BRWD1: variants seen among roughly 807,000 people sequenced by gnomAD.
BRWD1 encodes the protein bromodomain and WD repeat-containing protein 1.
In BRWD1, 82 loss-of-function variants were observed where a neutral mutation model predicts 251.2. The ratio of observed to expected loss-of-function variants is 0.33; its 90% CI spans 0.27 to 0.39. BRWD1 has a LOEUF of 0.39. BRWD1 is among the 10% of genes least tolerant of loss of function. BRWD1 has a pLI of 1.00. For synonymous variants in BRWD1, 918 were observed against 902.8 expected (o/e 1.02, Z -0.30); for missense variants, 2,233 against 2,711.6 (o/e 0.82, Z 3.92).
In BRWD1 at chr21:39,185,733, TAAAAA is replaced by T. The variant is rs1266380662; in HGVS notation, c.*10521_*10525del. On this transcript the variant is annotated 3_prime_UTR_variant, in exon 41 of 41. Transcript: ENST00000342449. ...CAAAAAAAAAAAAATGCATTTGACT[TAAAAA>T]AGAAATAGAAAACCCTAGGTTTCTG... 3 of 151,708 alleles carry T rather than the reference TAAAAA, an allele frequency of 2.0e-5. No individual in the cohort carries two copies. Among genetic ancestry groups the T allele is most frequent in the African/African-American group, 7.3e-5 (3 of 41,310 alleles). The allele number at this position is 151,708 out of a possible 1,614,324, so 9.4% of individuals were successfully genotyped here. A position where few individuals can be genotyped will look rare whatever the true frequency, so the allele number is the denominator to read the frequency against.
At chr21:39,302,031 G>A (rs2036135365) in intron 4 of BRWD1, among the ~76,000 whole-genome samples, 1 of 135,492 alleles carries the variant, frequency 7.4e-6, no homozygotes, top group Non-Finnish European at 1.5e-5. Context: ...GGTCCAGGCT[G>A]GAGTGTAGTG....
chr21:39,209,954 A>C, intron 36 of BRWD1, 41 bp downstream of exon 36: 1 of 1,589,672 alleles, frequency 6.3e-7, no homozygotes, highest in Non-Finnish European at 8.6e-7. Context: ...TTATCTACAC[A>C]GATCAGGCAG....
At chr21:39,297,070 G>C (rs184515150) in intron 5 of BRWD1, 21 of 985,304 alleles carry the variant, frequency 2.1e-5, no homozygotes, top group Middle Eastern at 1.0e-3. Flanking sequence ...CTGTGACTCT[G>C]AACACTAATT....
At chr21:39,277,510 G>C (rs1251470355) in intron 10 of BRWD1, among the ~76,000 whole-genome samples, 159 bp from the exon 11 acceptor site, 1 of 152,114 alleles carries the variant, frequency 6.6e-6, no homozygotes. Context: ...AGGTTATAAA[G>C]CTGAACTTGT....
At position 39,228,773 on chromosome 21, in the gene BRWD1, T is replaced by C. The variant is rs186953658; in HGVS notation, c.3126-191A>G. Among the ~76,000 whole-genome samples, 16 of 152,328 alleles carry C rather than the reference T, an allele frequency of 1.1e-4. No homozygotes were observed. The East Asian group carries it at 1.9e-3, about 18-fold the overall frequency. ...TATCCAAAATATTATTTCAATATGT[T>C]ATCAAAACAAAATAGAGATCTGACA... On this transcript the variant is annotated intron_variant, in intron 26 of 40. Coordinates refer to ENST00000342449, the MANE Select transcript of BRWD1 (RefSeq NM_033656.4).
At chr21:39,267,973 A>G (rs755996948) in intron 15 of BRWD1, among the ~76,000 whole-genome samples, 3 of 152,226 alleles carry the variant, frequency 2.0e-5, no homozygotes, top group Non-Finnish European at 4.4e-5. Flanking sequence ...CACGTAACCA[A>G]CCTGCACATC....
chr21:39,265,352 G>A (rs2034887357), intron 15 of BRWD1, among the ~76,000 whole-genome samples: 2 of 152,166 alleles, frequency 1.3e-5, no homozygotes, highest in South Asian at 4.1e-4. Context: ...TTGAACCGGG[G>A]AGGCAGGGGT....
At chr21:39,307,103 C>G (rs1362365997) in intron 4 of BRWD1, among the ~76,000 whole-genome samples, 2 of 152,212 alleles carry the variant, frequency 1.3e-5, no homozygotes, top group Non-Finnish European at 2.9e-5. Flanking sequence ...ATCCACCTGC[C>G]TCAGCCTCCT....
At chr21:39,290,649 T>G (rs974686036) in intron 8 of BRWD1, among the ~76,000 whole-genome samples, 1 of 152,200 alleles carries the variant, frequency 6.6e-6, no homozygotes, top group Non-Finnish European at 1.5e-5. Flanking sequence ...AAACAGGCAC[T>G]CTCTCAAAGT....
chr21:39,280,651 A>T (rs1469980988), intron 8 of BRWD1, among the ~76,000 whole-genome samples: 2 of 152,210 alleles, frequency 1.3e-5, no homozygotes, highest in East Asian at 3.8e-4. Context: ...TGGAAGGAAA[A>T]ATGGGAGAAA....
chr21:39,255,849 A>T, intron 18 of BRWD1, 21 bp from the exon 19 acceptor site: 1 of 1,604,742 alleles, frequency 6.2e-7, no homozygotes, highest in Non-Finnish European at 8.5e-7. Context: ...ATGATGGGGA[A>T]GTGATTCCAA....
chr21:39,307,150 G>C (rs1431708422), intron 4 of BRWD1, among the ~76,000 whole-genome samples: 1 of 152,122 alleles, frequency 6.6e-6, no homozygotes, highest in Non-Finnish European at 1.5e-5. Context: ...CACTGAGCCT[G>C]GTTATAATTG....
At position 39,208,747 on chromosome 21, in the gene BRWD1, C is replaced by G. The variant is rs1025409769; in HGVS notation, c.4197+1248G>C. Among the ~76,000 whole-genome samples the G allele has an allele frequency of 2.1e-4, 32 of 151,944 alleles. 1 individual carries two copies. The highest frequency in any genetic ancestry group is 2.6e-4 in the Admixed American group (4 of 15,242). On this transcript the variant is annotated intron_variant, in intron 36 of 40. Coordinates refer to ENST00000342449, the MANE Select transcript of BRWD1 (RefSeq NM_033656.4). Reference sequence around the variant, plus strand: ...CCAACACGGGCTAATTTTTTTATCTCTAGTAGAGAAGGGGGCTCACCATGT... The same window carrying G: ...CCAACACGGGCTAATTTTTTTATCTGTAGTAGAGAAGGGGGCTCACCATGT...
chr21:39,218,683 TGA>T (rs1568880264), intron 29 of BRWD1, 23 bp from the exon 30 acceptor site: 6 of 1,544,382 alleles, frequency 3.9e-6, no homozygotes, highest in South Asian at 1.2e-5. Context: ...TAAAAAACAA[TGA>T]GAGGAAGAAA....
At position 39,198,689 on chromosome 21, in the gene BRWD1, G is replaced by GA. The variant is rs1386668774; in HGVS notation, c.5653+73dup. On this transcript the variant is annotated intron_variant, in intron 40 of 40. Coordinates refer to ENST00000342449, the MANE Select transcript of BRWD1 (RefSeq NM_033656.4). Reference sequence around the variant, plus strand: ...GTTTCAAGGGAAACTTTTTCGGGGGGAAAAAACCAATGTGTGTAAGAGAAA... The same window carrying GA: ...GTTTCAAGGGAAACTTTTTCGGGGGGAAAAAAACCAATGTGTGTAAGAGAAA... 22 of 1,368,864 alleles carry GA rather than the reference G, an allele frequency of 1.6e-5. No homozygotes were observed. In the African/African-American group the frequency reaches 1.9e-4, roughly 12 times the overall value. 84.8% of individuals were successfully genotyped at this position (1,368,864 alleles called of 1,614,324 possible).
At chr21:39,314,657 G>C (rs1179160545), upstream of BRWD1, 21 of 313,944 alleles carry the variant, frequency 6.7e-5, no homozygotes, top group East Asian at 1.8e-3. Context: ...CTAAAGTACA[G>C]CAGTAACACT....
At position 39,187,494 on chromosome 21, in the gene BRWD1, C is replaced by G; in HGVS notation, c.*8765G>C. 6.8e-7 allele frequency: 1 copy of G among 1,476,198 alleles called. No homozygotes were observed. Among genetic ancestry groups the G allele is most frequent in the South Asian group, 1.5e-5 (1 of 67,996 alleles). 91.4% of individuals were successfully genotyped at this position (1,476,198 alleles called of 1,614,324 possible). A position where few individuals can be genotyped will look rare whatever the true frequency, so the allele number is the denominator to read the frequency against. ...TTTTACTACTGCTAACATTCCTCAACAACACTCATTCGGAAACAATAAATT... is the reference window on the plus strand; with the variant it reads ...TTTTACTACTGCTAACATTCCTCAAGAACACTCATTCGGAAACAATAAATT... On this transcript the variant is annotated 3_prime_UTR_variant, in exon 41 of 41. Transcript: ENST00000342449.
At chr21:39,224,938 C>T in intron 28 of BRWD1, 148 bp downstream of exon 28, 1 of 614,922 alleles carries the variant, frequency 1.6e-6, no homozygotes, top group Non-Finnish European at 2.9e-6. Flanking sequence ...AGAGTAGGTG[C>T]ATGTCTGAGA....
At chr21:39,210,992 G>A (rs746046742) in intron 34 of BRWD1, 63 bp from the exon 35 acceptor site, 1 of 1,467,770 alleles carries the variant, frequency 6.8e-7, no homozygotes, top group Non-Finnish European at 9.2e-7. Context: ...TGGTAAAAAT[G>A]TAACTGATCT....
Sources: allele counts gnomAD v4.1 joint callset (sites outside exome capture counted in the v4.1 genomes callset), GRCh38; gene constraint gnomAD v4.1.1; transcripts MANE v1.5; gene names NCBI Gene and HGNC (gene_info 2026-07-23, HGNC 2026-07-21).